NEURL1: variants seen among roughly 807,000 people sequenced by gnomAD.
The protein encoded by NEURL1 is E3 ubiquitin-protein ligase NEURL1.
Under a neutral mutation model 41.2 loss-of-function variants are expected in NEURL1, and 26 were observed. That is an observed-to-expected ratio of 0.63 (90% CI 0.46 to 0.87). The LOEUF is 0.87. NEURL1 is among the 40% of genes least tolerant of loss of function. The pLI is 0.00. For missense variants in NEURL1, 761 were observed against 871.1 expected (o/e 0.87, Z 1.59); for synonymous variants, 400 against 402.3 (o/e 0.99, Z 0.07).
intron 1 of NEURL1, among the ~76,000 whole-genome samples, chr10:103,547,137 T>C (rs1322549877): frequency 4.6e-5 from 7 of 152,224 alleles, no homozygotes; most frequent in Non-Finnish European, 8.8e-5. Flanking sequence ...ATCAACCCAA[T>C]TTTTCAGAAG....
In NEURL1 at chr10:103,584,749, C is replaced by G; in HGVS notation, c.863C>G (p.Ala288Gly). 2.7e-6 allele frequency: 4 copies of G among 1,459,490 alleles called. No homozygotes were observed. Among genetic ancestry groups the G allele is most frequent in the Non-Finnish European group, 3.6e-6 (4 of 1,110,514 alleles). 90.4% of individuals were successfully genotyped at this position (1,459,490 alleles called of 1,614,324 possible). The change falls in exon 4 of 6, where the codon GCG becomes GGG. Residue 288 changes from alanine (A) to glycine (G), a missense_variant. Coordinates refer to ENST00000369780, the MANE Select transcript of NEURL1 (RefSeq NM_004210.5). ...LNSQHSRALP[A>G]QLDGDLRFHA... ...TCGCAGCACAGCCGCGCGCTGCCGG[C>G]GCAGCTCGACGGCGACCTGCGTTTC...
At chr10:103,499,264 T>C (rs1348295289) in intron 1 of NEURL1, among the ~76,000 whole-genome samples, 1 of 152,202 alleles carries the variant, frequency 6.6e-6, no homozygotes, top group Non-Finnish European at 1.5e-5. Flanking sequence ...ACTAAGGGTC[T>C]TGATTCTTGT....
intron 1 of NEURL1, among the ~76,000 whole-genome samples, chr10:103,498,861 G>A (rs527469589): frequency 4.5e-4 from 69 of 152,256 alleles, no homozygotes; most frequent in African/African-American, 1.4e-3. Flanking sequence ...ATGTTGTAGC[G>A]TGCACCTTTT....
chr10:103,497,764 C>T (rs753400650), intron 1 of NEURL1, among the ~76,000 whole-genome samples: 7 of 152,112 alleles, frequency 4.6e-5, no homozygotes, highest in Non-Finnish European at 1.0e-4. Context: ...CCCATGTGCC[C>T]AGCTCAGAGA....
At chr10:103,511,911 A>G (rs943615285) in intron 1 of NEURL1, 5 of 152,244 alleles carry the variant, frequency 3.3e-5, no homozygotes, top group African/African-American at 1.2e-4. Flanking sequence ...GGGGAATTCA[A>G]ACTTTTCTTC....
chr10:103,495,923 C>G (rs2033672273), intron 1 of NEURL1, among the ~76,000 whole-genome samples: 1 of 152,190 alleles, frequency 6.6e-6, no homozygotes, highest in Non-Finnish European at 1.5e-5. Flanking sequence ...GCCTGGCCAA[C>G]ATGGCGAAAC....
intron 1 of NEURL1, among the ~76,000 whole-genome samples, chr10:103,533,744 G>T (rs947556343): frequency 2.6e-5 from 4 of 152,152 alleles, no homozygotes; most frequent in Non-Finnish European, 5.9e-5. Context: ...CACCGTGTTA[G>T]CCAGGATGGT....
chr10:103,585,273 G>C (rs1339416746), intron 4 of NEURL1, 48 bp downstream of exon 4: 1 of 1,414,762 alleles, frequency 7.1e-7, no homozygotes, highest in East Asian at 2.7e-5. Context: ...CTGGAGGCGG[G>C]GACGATCCGG....
rs201183021 is a variant in NEURL1, at chr10:103,592,052, GT to G, written c.*1689del. 113 of 151,088 alleles carry G rather than the reference GT, an allele frequency of 7.5e-4. No homozygotes were observed. Among genetic ancestry groups the G allele is most frequent in the Non-Finnish European group, 1.3e-3 (85 of 67,764 alleles). The allele number at this position is 151,088 out of a possible 1,614,324, so 9.4% of individuals were successfully genotyped here. A position where few individuals can be genotyped will look rare whatever the true frequency, so the allele number is the denominator to read the frequency against. ...CCCCCTCAGATGGCTTTTTGTTTTTGTTTTTTTTTGCATCCATCAGAGACTG... is the reference window on the plus strand; with the variant it reads ...CCCCCTCAGATGGCTTTTTGTTTTTGTTTTTTTTGCATCCATCAGAGACTG... On this transcript the variant is annotated 3_prime_UTR_variant, in exon 6 of 6. Transcript: ENST00000369780. The surrounding 1 kb of genome is among the most constrained non-coding windows in gnomAD (Gnocchi z 4.8).
chr10:103,579,753 G>A (rs1311639314), intron 3 of NEURL1, among the ~76,000 whole-genome samples: 1 of 152,074 alleles, frequency 6.6e-6, no homozygotes, highest in East Asian at 1.9e-4. Flanking sequence ...ACCAGCCTGG[G>A]AAACCTAGTG....
chr10:103,563,798 T>C (rs1357760746), intron 1 of NEURL1, among the ~76,000 whole-genome samples: 1 of 152,204 alleles, frequency 6.6e-6, no homozygotes, highest in Non-Finnish European at 1.5e-5. Flanking sequence ...CCCAAGGTCT[T>C]ACAGTTAGTG....
intron 1 of NEURL1, among the ~76,000 whole-genome samples, chr10:103,514,342 G>A (rs1050946808): frequency 2.6e-5 from 4 of 152,010 alleles, no homozygotes; most frequent in African/African-American, 7.2e-5. Flanking sequence ...TGCCCACCTC[G>A]GCCTTCCAAA....
At chr10:103,526,926 ATC>A (rs1324924752) in intron 1 of NEURL1, among the ~76,000 whole-genome samples, 2 of 119,252 alleles carry the variant, frequency 1.7e-5, no homozygotes, top group African/African-American at 6.8e-5. Context: ...CTGTGGTATC[ATC>A]TTTTTTTTTT....
chr10:103,559,958 A>G lies in NEURL1; in HGVS notation c.86-10914A>G, dbSNP rs748443540. Among the ~76,000 whole-genome samples the G allele has an allele frequency of 5.3e-5, 8 of 151,734 alleles. No individual in the cohort carries two copies. The South Asian group carries it at 8.3e-4, about 16-fold the overall frequency. ...CACACATGCACACACACGTACATGC[A>G]CGCACATATATACACATATGCACAT... On this transcript the variant is annotated intron_variant, in intron 1 of 5. Transcript: ENST00000369780.
chr10:103,515,094 G>A (rs1315200680), intron 1 of NEURL1, among the ~76,000 whole-genome samples: 1 of 152,042 alleles, frequency 6.6e-6, no homozygotes, highest in Non-Finnish European at 1.5e-5. Flanking sequence ...CAGGTGTGGT[G>A]ATGGGCACCT....
chr10:103,560,486 G>A (rs2035268611), intron 1 of NEURL1, among the ~76,000 whole-genome samples: 1 of 152,198 alleles, frequency 6.6e-6, no homozygotes, highest in Admixed American at 6.5e-5. Context: ...CTCAGTTGGG[G>A]ATTAACTTGA....
intron 3 of NEURL1, among the ~76,000 whole-genome samples, chr10:103,574,064 GA>G (rs1408626310): frequency 1.3e-5 from 2 of 150,932 alleles, no homozygotes; most frequent in African/African-American, 2.4e-5. Flanking sequence ...GGACGTGGAG[GA>G]ATATTTGCAG....
intron 5 of NEURL1, 142 bp downstream of exon 5, chr10:103,589,802 C>A: frequency 8.8e-7 from 1 of 1,132,680 alleles, no homozygotes; most frequent in Non-Finnish European, 1.3e-6. Flanking sequence ...CTGGGGTCAT[C>A]CCCTCCTGTC....
chr10:103,585,292 C>G, intron 4 of NEURL1, 67 bp downstream of exon 4: 1 of 1,331,764 alleles, frequency 7.5e-7, no homozygotes, highest in Non-Finnish European at 9.9e-7. Flanking sequence ...GGGTAGGAGA[C>G]AAAGGGCGAG....
Sources: allele counts gnomAD v4.1 joint callset (sites outside exome capture counted in the v4.1 genomes callset), GRCh38; gene constraint gnomAD v4.1.1; non-coding constraint Gnocchi (gnomAD v3.1); transcripts MANE v1.5; gene names NCBI Gene and HGNC (gene_info 2026-07-23, HGNC 2026-07-21).